MAP4: variants seen among roughly 807,000 people sequenced by gnomAD.
MAP4 encodes the protein microtubule-associated protein 4.
In MAP4, 76 loss-of-function variants were observed where a neutral mutation model predicts 170.2. That is an observed-to-expected ratio of 0.45 (90% CI 0.37 to 0.54). The LOEUF (loss-of-function observed/expected upper bound fraction) is 0.54. MAP4 is among the 20% of genes least tolerant of loss of function. The probability of loss-of-function intolerance (pLI) is 0.00; values close to 1 mark genes in which losing one functional copy is unlikely to be tolerated. For synonymous variants in MAP4, 909 were observed against 994.5 expected, an observed-to-expected ratio of 0.91 and a Z score of 1.62; for missense variants, 2,506 against 2,748.0, an observed-to-expected ratio of 0.91 and a Z score of 1.97.
chr3:47,954,925 T>C (rs530377132), intron 3 of MAP4, among the ~76,000 whole-genome samples: 4 of 152,290 alleles, frequency 2.6e-5, no homozygotes, highest in African/African-American at 9.6e-5. Flanking sequence ...ATAAGAGTCA[T>C]TTTAATAGTA....
rs1175625153 is a variant in MAP4 at position 47,875,796 on chromosome 3, A to G, written c.5646T>C (p.Asn1882=). 6.2e-7 allele frequency: 1 copy of G among 1,613,850 alleles called. No individual in the cohort carries two copies. Among genetic ancestry groups the G allele is most frequent in the Non-Finnish European group, 8.5e-7 (1 of 1,179,998 alleles). ...QPAPTTIGGL[N]KKPMSLASGL... ...CTGAAGCAAGGCTCATGGGTTTTTTATTCAACCCACCAATGGTGGTGGGAG... is the reference window on the plus strand; with the variant it reads ...CTGAAGCAAGGCTCATGGGTTTTTTGTTCAACCCACCAATGGTGGTGGGAG... The change falls in exon 12 of 21, where the codon AAT becomes AAC. Residue 1882 remains asparagine (N), a synonymous_variant. Coordinates refer to ENST00000683076, the MANE Select transcript of MAP4 (RefSeq NM_001385682.1).
rs375850985 is a variant in MAP4, at chr3:47,981,478, A to T, written c.224-3545T>A. ...TCGTAATAAAAAATAATAATAATAA[A>T]AAAGAACCTGGCCAGGTGCAGTGGC... On this transcript the variant is annotated intron_variant, in intron 2 of 20. Transcript: ENST00000683076. Among the ~76,000 whole-genome samples, 40 of 152,144 alleles carry T rather than the reference A, an allele frequency of 2.6e-4. No individual in the cohort carries two copies. The East Asian group carries it at 7.3e-3, about 28-fold the overall frequency.
intron 1 of MAP4, among the ~76,000 whole-genome samples, chr3:48,061,425 T>C (rs1349617736): frequency 2.0e-5 from 3 of 152,110 alleles, no homozygotes; most frequent in Non-Finnish European, 2.9e-5. Flanking sequence ...AGCTCCTAAC[T>C]GCGAGTGATC....
At chr3:48,066,722 G>A (rs1293138090) in intron 1 of MAP4, among the ~76,000 whole-genome samples, 1 of 150,856 alleles carries the variant, frequency 6.6e-6, no homozygotes, top group Non-Finnish European at 1.5e-5. Context: ...CTTATCTGCA[G>A]GAGGTCTGAG....
At chr3:48,069,985 T>C (rs997436819) in intron 1 of MAP4, among the ~76,000 whole-genome samples, 1 of 152,102 alleles carries the variant, frequency 6.6e-6, no homozygotes, top group Non-Finnish European at 1.5e-5. Context: ...AAAAAAATTT[T>C]TTTTCTGAGA....
In MAP4 at chr3:47,867,325, G is replaced by A. The variant is rs150907099; in HGVS notation, c.6422C>T (p.Ser2141Phe). The A allele has an allele frequency of 4.4e-3, 7,050 of 1,611,796 alleles. 30 individuals carry two copies. Among genetic ancestry groups the A allele is most frequent in the Non-Finnish European group, 5.3e-3 (6,257 of 1,178,110 alleles). The change falls in exon 17 of 21, where the codon TCC becomes TTC. Residue 2141 changes from serine (S) to phenylalanine (F), a missense_variant. Ser to Phe is a radical substitution (Grantham distance 155). Around this residue, in one of 3 missense-constraint regions of MAP4, gnomAD observed 487 missense variants for 511.6 expected, o/e 0.95. Transcript: ENST00000683076. ...AATATGGCTGTAGCTCACTTTTTTG[G>A]AGACTATCTGGACCTGGAGTGTTAG... Reference protein sequence around the residue: ...KQPAGKVQIVSKKVSYSHIQS... With the variant: ...KQPAGKVQIVFKKVSYSHIQS...
At chr3:48,058,221 T>C (rs1410369065) in intron 1 of MAP4, among the ~76,000 whole-genome samples, 1 of 152,194 alleles carries the variant, frequency 6.6e-6, no homozygotes, top group Non-Finnish European at 1.5e-5. Context: ...AATGACTCAG[T>C]CCTAGACTAC....
chr3:47,931,933 AAC>A (rs1359333097), intron 3 of MAP4: 2 of 152,204 alleles, frequency 1.3e-5, no homozygotes, highest in Non-Finnish European at 2.9e-5. Context: ...TTTTTTAAAT[AAC>A]AGTTTTATCG....
chr3:48,081,778 T>C (rs1193845551), intron 1 of MAP4, among the ~76,000 whole-genome samples: 1 of 152,148 alleles, frequency 6.6e-6, no homozygotes, highest in Non-Finnish European at 1.5e-5. Context: ...GAAGCAGTGA[T>C]ACCCTAGCAG....
chr3:47,888,905 G>A (rs2098117872), intron 10 of MAP4, among the ~76,000 whole-genome samples: 1 of 152,138 alleles, frequency 6.6e-6, no homozygotes. Flanking sequence ...GAAGGCTATG[G>A]GACCTGGTAT....
At chr3:47,989,900 CACT>C (rs1009261137) in intron 2 of MAP4, among the ~76,000 whole-genome samples, 4 of 152,012 alleles carry the variant, frequency 2.6e-5, no homozygotes, top group African/African-American at 9.7e-5. Context: ...GAAAATAGCA[CACT>C]TTTTTTTTTT....
At chr3:47,915,326 G>A (rs964845673) in intron 7 of MAP4, among the ~76,000 whole-genome samples, 9 of 151,996 alleles carry the variant, frequency 5.9e-5, no homozygotes, top group Admixed American at 3.3e-4. Flanking sequence ...ATGTTGGTCA[G>A]GCTAGTCTTG....
intron 1 of MAP4, among the ~76,000 whole-genome samples, chr3:48,035,937 C>T (rs1033528149): frequency 2.0e-5 from 3 of 151,870 alleles, no homozygotes; most frequent in Non-Finnish European, 2.9e-5. Flanking sequence ...GAGACTCCAT[C>T]CCCCCCTCTC....
chr3:47,912,441 A>G lies in MAP4; in HGVS notation c.2000-20T>C, dbSNP rs2100036445. On this transcript the variant is annotated intron_variant, in intron 8 of 20. Transcript: ENST00000683076. ...AGTTGGCTAAAATTCCAAACAAAAA[A>G]CTCCTCGTTATTGTTTCTTAAAAAC... The G allele has an allele frequency of 6.9e-7, 1 of 1,450,234 alleles. No individual in the cohort carries two copies. The highest frequency in any genetic ancestry group is 1.4e-5 in the African/African-American group (1 of 69,808). 89.8% of individuals were successfully genotyped at this position (1,450,234 alleles called of 1,614,324 possible).
intron 2 of MAP4, 49 bp downstream of exon 2, chr3:47,998,589 C>T: frequency 6.9e-7 from 1 of 1,443,624 alleles, no homozygotes; most frequent in Non-Finnish European, 9.7e-7. Flanking sequence ...AGGCATAATC[C>T]CTAACCTGCT....
Position 47,994,050 on chromosome 3 carries a change from T to C in MAP4, c.223+4588A>G, listed in dbSNP as rs77368998. On this transcript the variant is annotated intron_variant, in intron 2 of 20. Coordinates refer to ENST00000683076, the MANE Select transcript of MAP4 (RefSeq NM_001385682.1). ...ATTTGGTTCCTTCTTTTTTGTTTCCTAATCTTTAAAAAAATCTTTGGTAGC... is the reference window on the plus strand; with the variant it reads ...ATTTGGTTCCTTCTTTTTTGTTTCCCAATCTTTAAAAAAATCTTTGGTAGC... 4.1e-3 allele frequency among the ~76,000 whole-genome samples: 620 copies of C among 152,272 alleles called. 6 individuals are homozygous for C. Among genetic ancestry groups the C allele is most frequent in the African/African-American group, 0.014 (592 of 41,560 alleles).
chr3:47,863,031 C>CAATGA (rs1057060685), intron 17 of MAP4, among the ~76,000 whole-genome samples: 4 of 150,888 alleles, frequency 2.7e-5, no homozygotes, highest in African/African-American at 9.8e-5. Context: ...GGCTGGAGTG[C>CAATGA]AATGGCACAA....
chr3:47,852,657 C>A lies in MAP4; in HGVS notation c.*277G>T. 2 of 1,275,344 alleles carry A rather than the reference C, an allele frequency of 1.6e-6. No homozygotes were observed. Among genetic ancestry groups the A allele is most frequent in the Non-Finnish European group, 2.1e-6 (2 of 945,188 alleles). 79.0% of individuals were successfully genotyped at this position (1,275,344 alleles called of 1,614,324 possible). On this transcript the variant is annotated 3_prime_UTR_variant, in exon 21 of 21. Transcript: ENST00000683076. ...CAGTGGCGCAGTGATGGGGCAAGAC[C>A]AAAGCAGGGAGATGGGCCCAGGCTG...
chr3:47,879,127 C>T (rs1356412788), intron 10 of MAP4, among the ~76,000 whole-genome samples: 1 of 151,566 alleles, frequency 6.6e-6, no homozygotes, highest in African/African-American at 2.4e-5. Flanking sequence ...CCCAGAAGTC[C>T]GTTAATAGAA....
Sources: gnomAD v4.1 joint callset for allele counts (sites outside exome capture counted in the v4.1 genomes callset) on GRCh38, gnomAD v4.1.1 for gene constraint, gnomAD v4.1.1 regional missense constraint, MANE v1.5 for transcripts, NCBI Gene and HGNC (gene_info 2026-07-23, HGNC 2026-07-21) for gene names.